CAMK2B: variants seen among roughly 807,000 people sequenced by gnomAD.
CAMK2B encodes calcium/calmodulin dependent protein kinase II beta, also known as calcium/calmodulin-dependent protein kinase type II subunit beta.
A neutral mutation model predicts 93.7 loss-of-function variants in CAMK2B; 27 were observed. The ratio of observed to expected loss-of-function variants is 0.29; its 90% CI spans 0.21 to 0.40. The LOEUF is 0.40. Among genes scored for constraint, CAMK2B ranks in the 10% least tolerant of loss-of-function variants. The probability of loss-of-function intolerance (pLI) is 1.00; values close to 1 mark genes in which losing one functional copy is unlikely to be tolerated. For missense variants in CAMK2B, 568 were observed against 895.8 expected, an observed-to-expected ratio of 0.63 and a Z score of 4.67; for synonymous variants, 374 against 358.8, an observed-to-expected ratio of 1.04 and a Z score of -0.48.
intron 2 of CAMK2B, among the ~76,000 whole-genome samples, chr7:44,278,821 G>C (rs1377892393): frequency 6.6e-6 from 1 of 152,262 alleles, no homozygotes; most frequent in Non-Finnish European, 1.5e-5. Context: ...TGGAGACCCA[G>C]ATTTCAACTC....
At chr7:44,250,981 G>C (rs1039369255) in intron 5 of CAMK2B, among the ~76,000 whole-genome samples, 3 of 152,216 alleles carry the variant, frequency 2.0e-5, no homozygotes, top group African/African-American at 4.8e-5. Context: ...CAGCTTTGTT[G>C]GTTAGAAATG....
At position 44,225,975 on chromosome 7, in the gene CAMK2B, C is replaced by T. The variant is rs554725969; in HGVS notation, c.1597+541G>A. 144 of 1,201,190 alleles carry T rather than the reference C, an allele frequency of 1.2e-4. No individual in the cohort carries two copies. The African/African-American group carries it at 1.9e-3, about 16-fold the overall frequency. 74.4% of individuals were successfully genotyped at this position (1,201,190 alleles called of 1,614,324 possible). A position where few individuals can be genotyped will look rare whatever the true frequency, so the allele number is the denominator to read the frequency against. On this transcript the variant is annotated intron_variant, in intron 20 of 23. Transcript: ENST00000395749. The surrounding 1 kb of genome is among the most constrained non-coding windows in gnomAD (Gnocchi z 5.0). ...CTCCCTGGCCGGGGAGGCTGCCCAG[C>T]CTGTGCTTCCTGTCCCGCCCGCTCT...
chr7:44,246,743 C>T (rs1394291705), intron 6 of CAMK2B, among the ~76,000 whole-genome samples: 2 of 152,144 alleles, frequency 1.3e-5, no homozygotes, highest in Non-Finnish European at 2.9e-5. Flanking sequence ...TGCACACACA[C>T]TCACACAATG....
intron 15 of CAMK2B, among the ~76,000 whole-genome samples, chr7:44,233,507 G>A (rs1293473582): frequency 2.0e-5 from 3 of 152,126 alleles, no homozygotes; most frequent in African/African-American, 7.2e-5. Context: ...GCTGGCTCCC[G>A]AAGCCTGGCC....
chr7:44,319,327 G>A (rs930183519), intron 1 of CAMK2B, among the ~76,000 whole-genome samples: 1 of 152,126 alleles, frequency 6.6e-6, no homozygotes, highest in African/African-American at 2.4e-5. Context: ...TCTCCACCTG[G>A]TCTCTTCTAG....
intron 1 of CAMK2B, among the ~76,000 whole-genome samples, chr7:44,288,549 C>A (rs1306379052): frequency 1.3e-5 from 2 of 152,214 alleles, no homozygotes; most frequent in Non-Finnish European, 2.9e-5. Flanking sequence ...CTGAGCCAGG[C>A]TGAAAGCGAT....
chr7:44,298,865 T>C (rs112631945), intron 1 of CAMK2B, among the ~76,000 whole-genome samples: 91 of 152,336 alleles, frequency 6.0e-4, no homozygotes, highest in Non-Finnish European at 1.1e-3. Context: ...ATTATAAATT[T>C]TTTTTAATTG....
chr7:44,245,631 GC>G (rs1478867389), intron 6 of CAMK2B, among the ~76,000 whole-genome samples: 1 of 152,192 alleles, frequency 6.6e-6, no homozygotes, highest in Non-Finnish European at 1.5e-5. Context: ...TCCCAGAGGC[GC>G]CTGAGTGAGG....
At chr7:44,315,020 T>G (rs1357807582) in intron 1 of CAMK2B, among the ~76,000 whole-genome samples, 7 of 152,256 alleles carry the variant, frequency 4.6e-5, no homozygotes, top group Admixed American at 3.9e-4. Flanking sequence ...TCCCATTCTA[T>G]GGACTATTCT....
In CAMK2B at chr7:44,226,693, C is replaced by G; in HGVS notation, c.1469-49G>C. On this transcript the variant is annotated intron_variant, in intron 19 of 23. Transcript: ENST00000395749. Reference sequence around the variant, plus strand: ...GAACACAAGGCAGGCACGGGGGGCACGCAGGAGAGAAACCATGGGCAGACA... The same window carrying G: ...GAACACAAGGCAGGCACGGGGGGCAGGCAGGAGAGAAACCATGGGCAGACA... 2 of 1,464,338 alleles carry G rather than the reference C, an allele frequency of 1.4e-6. 1 individual carries two copies. The highest frequency in any genetic ancestry group is 1.8e-6 in the Non-Finnish European group (2 of 1,115,382). The allele number at this position is 1,464,338 out of a possible 1,614,324, so 90.7% of individuals were successfully genotyped here.
intron 6 of CAMK2B, among the ~76,000 whole-genome samples, chr7:44,245,189 A>G (rs2096718620): frequency 6.6e-6 from 1 of 152,116 alleles, no homozygotes; most frequent in African/African-American, 2.4e-5. Flanking sequence ...GAAGGCCTGG[A>G]GGCTCCAGGG....
rs1415068911 is a variant in CAMK2B at position 44,248,226 on chromosome 7, G to C, written c.342-1034C>G. On this transcript the variant is annotated intron_variant, in intron 5 of 23. Coordinates refer to ENST00000395749, the MANE Select transcript of CAMK2B (RefSeq NM_001220.5). The surrounding 1 kb of genome is among the most constrained non-coding windows in gnomAD (Gnocchi z 4.1). ...AACCCTTCCTCTCATAGTCAGGGAG[G>C]GCTGTTGGCAGAAGTCCAGGGCCCT... Among the ~76,000 whole-genome samples, 1 of 152,092 alleles carries C rather than the reference G, an allele frequency of 6.6e-6. No individual in the cohort carries two copies. Among genetic ancestry groups the C allele is most frequent in the African/African-American group, 2.4e-5 (1 of 41,402 alleles).
At chr7:44,223,127 C>T (rs2096432697) in intron 20 of CAMK2B, among the ~76,000 whole-genome samples, 1 of 152,090 alleles carries the variant, frequency 6.6e-6, no homozygotes, top group Non-Finnish European at 1.5e-5. Context: ...GAAGCTCATA[C>T]ATATGCATGA....
At chr7:44,268,419 G>T (rs552163118) in intron 2 of CAMK2B, among the ~76,000 whole-genome samples, 1 of 152,176 alleles carries the variant, frequency 6.6e-6, no homozygotes, top group Non-Finnish European at 1.5e-5. Flanking sequence ...ACAACGCCAC[G>T]CCAGTACCAG....
At chr7:44,255,704 A>T (rs1303272561) in intron 4 of CAMK2B, among the ~76,000 whole-genome samples, 1 of 152,088 alleles carries the variant, frequency 6.6e-6, no homozygotes. Context: ...TGGGCCCAGC[A>T]CTTGGGGCTG....
intron 1 of CAMK2B, among the ~76,000 whole-genome samples, chr7:44,308,812 C>T (rs1337039678): frequency 1.3e-5 from 2 of 152,178 alleles, no homozygotes; most frequent in Non-Finnish European, 2.9e-5. Flanking sequence ...GCACATCAGG[C>T]GGTGTGCGAG....
intron 1 of CAMK2B, among the ~76,000 whole-genome samples, chr7:44,300,013 T>C (rs911900076): frequency 4.2e-5 from 5 of 118,766 alleles, no homozygotes; most frequent in African/African-American, 1.5e-4. Context: ...TGTATATGTG[T>C]ATGTGTCTGT....
chr7:44,276,326 CATT>C (rs1415954063), intron 2 of CAMK2B, among the ~76,000 whole-genome samples: 1 of 152,284 alleles, frequency 6.6e-6, no homozygotes, highest in South Asian at 2.1e-4. Flanking sequence ...ACCAGGCACT[CATT>C]ATCCCCCTGA....
chr7:44,230,930 C>A, intron 17 of CAMK2B, 76 bp downstream of exon 17: 1 of 1,332,428 alleles, frequency 7.5e-7, no homozygotes, highest in South Asian at 1.3e-5. Context: ...TTGACCCTGC[C>A]CAAGTCCCAC....
Sources: gnomAD v4.1 joint callset for allele counts (sites outside exome capture counted in the v4.1 genomes callset) on GRCh38, gnomAD v4.1.1 for gene constraint, Gnocchi (gnomAD v3.1) non-coding constraint, MANE v1.5 for transcripts, NCBI Gene and HGNC (gene_info 2026-07-23, HGNC 2026-07-21) for gene names.